The following SCN9A variants were observed in gnomAD, a reference collection of about 807,000 sequenced individuals.
SCN9A encodes sodium voltage-gated channel alpha subunit 9.
In SCN9A, 131 loss-of-function variants were observed where a neutral mutation model predicts 187.0. That is an observed-to-expected ratio of 0.70 (90% CI 0.61 to 0.81). The LOEUF (loss-of-function observed/expected upper bound fraction) is 0.81, where lower values mean the gene tolerates loss of function less well. Among genes scored for constraint, SCN9A ranks in the 30% least tolerant of loss-of-function variants. SCN9A has a pLI of 0.00. For synonymous variants in SCN9A, 809 were observed against 808.6 expected (o/e 1.00, Z -0.01); for missense variants, 2,252 against 2,396.6 (o/e 0.94, Z 1.26).
At position 166,303,189 on chromosome 2, in the gene SCN9A, T is replaced by C. The variant is rs766933679; in HGVS notation, c.802A>G (p.Met268Val). ...AAACATTTATGCTTCAGGTTTCCCA[T>C]GAACAGCTGTAGTCCAATTAGTGCA... ...VFALIGLQLF[M>V]GNLKHKCFRN... Residue 268 changes from methionine to valine, a missense_variant, in exon 7 of 27, where the codon ATG becomes GTG. Around this residue, in one of 7 missense-constraint regions of SCN9A, gnomAD observed 1,013 missense variants for 997.4 expected, o/e 1.02. Transcript: ENST00000642356. 9.9e-6 allele frequency: 16 copies of C among 1,613,776 alleles called. No homozygotes were observed. Among genetic ancestry groups the C allele is most frequent in the Non-Finnish European group, 1.4e-5 (16 of 1,179,778 alleles).
chr2:166,333,185 T>C (rs1013386636), intron 1 of SCN9A, among the ~76,000 whole-genome samples: 1 of 152,066 alleles, frequency 6.6e-6, no homozygotes, highest in African/African-American at 2.4e-5. Context: ...CAGTTAAATT[T>C]GAATTATTTA....
chr2:166,328,660 A>G (rs1166780842), intron 1 of SCN9A, among the ~76,000 whole-genome samples: 4 of 152,186 alleles, frequency 2.6e-5, no homozygotes, highest in Non-Finnish European at 2.9e-5. Context: ...GACAAAAAGA[A>G]TGGAAACACA....
At chr2:166,238,051 G>A (rs1273989546) in intron 20 of SCN9A, 43 bp downstream of exon 20, 2 of 1,458,982 alleles carry the variant, frequency 1.4e-6, no homozygotes, top group South Asian at 1.2e-5. Context: ...ACAACACACA[G>A]TAAGAATAAA....
At chr2:166,209,937 C>T (rs1486090878) in intron 24 of SCN9A, among the ~76,000 whole-genome samples, 3 of 152,158 alleles carry the variant, frequency 2.0e-5, no homozygotes, top group African/African-American at 4.8e-5. Context: ...TACCATTTGA[C>T]CCAGCCATCC....
rs33924683 is a variant in SCN9A, at chr2:166,228,247, CTTTTTTTT to C, written c.4206+436_4206+443del. ...GAACATGTTCTAGGAAAGACCAACA[CTTTTTTTT>C]TTTTTTTTTTTTTTTTTTGAGACAA... On this transcript the variant is annotated intron_variant, in intron 22 of 26. Transcript: ENST00000642356. Among the ~76,000 whole-genome samples the C allele has an allele frequency of 2.3e-5, 2 of 85,972 alleles. 1 individual carries two copies. The highest frequency in any genetic ancestry group is 3.3e-4 in the Admixed American group (2 of 6,086). The allele number at this position is 85,972 out of a possible 152,430, so 56.4% of individuals were successfully genotyped here.
At chr2:166,231,296 G>T (rs1221321437) in intron 21 of SCN9A, among the ~76,000 whole-genome samples, 1 of 152,188 alleles carries the variant, frequency 6.6e-6, no homozygotes, top group Non-Finnish European at 1.5e-5. Flanking sequence ...CTTGTAGATA[G>T]AATATTTTTG....
At chr2:166,220,072 T>C (rs980097518) in intron 24 of SCN9A, among the ~76,000 whole-genome samples, 20 of 152,172 alleles carry the variant, frequency 1.3e-4, no homozygotes, top group Admixed American at 6.5e-5. Context: ...GATCATGTAC[T>C]ACGACCAAGT....
chr2:166,323,422 C>T (rs1699290093), intron 1 of SCN9A, among the ~76,000 whole-genome samples: 1 of 152,122 alleles, frequency 6.6e-6, no homozygotes, highest in South Asian at 2.1e-4. Context: ...CCCCAAGGTA[C>T]TATGAAAACC....
At chr2:166,338,848 A>T (rs1158675313) in intron 1 of SCN9A, among the ~76,000 whole-genome samples, 1 of 152,186 alleles carries the variant, frequency 6.6e-6, no homozygotes, top group Non-Finnish European at 1.5e-5. Flanking sequence ...CTAAAGCGTT[A>T]TCTATGGAAT....
At chr2:166,340,525 TC>T (rs1699740944) in intron 1 of SCN9A, among the ~76,000 whole-genome samples, 1 of 140,968 alleles carries the variant, frequency 7.1e-6, no homozygotes, top group Admixed American at 7.1e-5. Context: ...CTTCCCTCTC[TC>T]CTTTCTTTTC....
intron 9 of SCN9A, among the ~76,000 whole-genome samples, chr2:166,290,151 G>A (rs954129491): frequency 6.6e-6 from 1 of 151,764 alleles, no homozygotes; most frequent in African/African-American, 2.4e-5. Context: ...CCACTTATGA[G>A]TGAGAACATG....
intron 24 of SCN9A, among the ~76,000 whole-genome samples, chr2:166,217,257 A>G (rs1694371729): frequency 6.6e-6 from 1 of 152,082 alleles, no homozygotes; most frequent in African/African-American, 2.4e-5. Context: ...TAAAGCTACT[A>G]GAAGAAAACA....
chr2:166,285,171 C>T (rs891226870), intron 11 of SCN9A, among the ~76,000 whole-genome samples: 2 of 152,146 alleles, frequency 1.3e-5, no homozygotes, highest in Non-Finnish European at 2.9e-5. Flanking sequence ...GGTCATTCAA[C>T]TTTTTATATA....
chr2:166,307,278 C>G (rs1178891917), intron 2 of SCN9A, among the ~76,000 whole-genome samples: 1 of 152,156 alleles, frequency 6.6e-6, no homozygotes, highest in Non-Finnish European at 1.5e-5. Context: ...TTCATAGTAA[C>G]TTTAAAAATT....
intron 24 of SCN9A, among the ~76,000 whole-genome samples, chr2:166,218,639 C>T (rs1331511629): frequency 6.6e-6 from 1 of 151,978 alleles, no homozygotes. Flanking sequence ...TAGGCAATAC[C>T]ATTCAGGACA....
chr2:166,346,388 C>T (rs900556331), intron 1 of SCN9A, among the ~76,000 whole-genome samples: 16 of 152,086 alleles, frequency 1.1e-4, no homozygotes, highest in Admixed American at 1.0e-3. Context: ...TTGGAAAAGC[C>T]TGAATACCTT....
At chr2:166,364,528 G>C (rs1700367819) in intron 1 of SCN9A, among the ~76,000 whole-genome samples, 1 of 152,038 alleles carries the variant, frequency 6.6e-6, no homozygotes, top group African/African-American at 2.4e-5. Context: ...TATATGCTAC[G>C]ACCCGGATGA....
intron 5 of SCN9A, 71 bp downstream of exon 5, chr2:166,305,721 G>T: frequency 1.3e-6 from 2 of 1,589,142 alleles, no homozygotes; most frequent in South Asian, 2.2e-5. Context: ...CCAGAGGTTT[G>T]CTGTTATTGG....
At chr2:166,206,949 C>T (rs1693835281) in intron 24 of SCN9A, among the ~76,000 whole-genome samples, 1 of 152,016 alleles carries the variant, frequency 6.6e-6, no homozygotes, top group Admixed American at 6.6e-5. Context: ...CAATTGATTA[C>T]ATAAAAGAAA....
Sources: gnomAD v4.1 joint callset for allele counts (sites outside exome capture counted in the v4.1 genomes callset) on GRCh38, gnomAD v4.1.1 for gene constraint, gnomAD v4.1.1 regional missense constraint, MANE v1.5 for transcripts, NCBI Gene and HGNC (gene_info 2026-07-23, HGNC 2026-07-21) for gene names.